Variants in LDB2 observed in about 807,000 individuals in gnomAD.
LDB2 encodes the protein LIM domain-binding protein 2.
Under a neutral mutation model 44.3 loss-of-function variants are expected in LDB2, and 12 were observed. The ratio of observed to expected loss-of-function variants is 0.27; its 90% CI spans 0.17 to 0.44. The LOEUF is 0.44. Among genes scored for constraint, LDB2 ranks in the 20% least tolerant of loss-of-function variants. The pLI, the probability that LDB2 is intolerant of heterozygous loss-of-function variation, is 1.00. For missense variants in LDB2, 344 were observed against 473.5 expected, an observed-to-expected ratio of 0.73 and a Z score of 2.54; for synonymous variants, 164 against 174.8, an observed-to-expected ratio of 0.94 and a Z score of 0.49.
chr4:16,511,933 A>T, intron 6 of LDB2, 48 bp downstream of exon 6: 1 of 1,570,786 alleles, frequency 6.4e-7, no homozygotes, highest in Non-Finnish European at 8.7e-7. Context: ...TCCCTGGAAG[A>T]CACCTCTGAA....
chr4:16,813,173 A>G (rs542962978), intron 1 of LDB2, among the ~76,000 whole-genome samples: 4 of 151,932 alleles, frequency 2.6e-5, no homozygotes, highest in Non-Finnish European at 5.9e-5. Context: ...TTCAGTAGAG[A>G]TGGGGTTTCG....
At position 16,756,210 on chromosome 4, in the gene LDB2, C is replaced by T. The variant is rs2002816; in HGVS notation, c.235+2948G>A. ...CTGTAATCCCAGCACTTTGGGAGGC[C>T]GAGGCTGGGCTGGTGGATCACTTCG... On this transcript the variant is annotated intron_variant, in intron 2 of 7. Coordinates refer to ENST00000304523, the MANE Select transcript of LDB2 (RefSeq NM_001290.5). Among the ~76,000 whole-genome samples the T allele has an allele frequency of 2.9e-3, 438 of 152,244 alleles. 1 individual carries two copies. Among genetic ancestry groups the T allele is most frequent in the Non-Finnish European group, 3.9e-3 (268 of 68,012 alleles).
At chr4:16,819,308 C>G (rs572107999) in intron 1 of LDB2, among the ~76,000 whole-genome samples, 1 of 152,014 alleles carries the variant, frequency 6.6e-6, no homozygotes, top group South Asian at 2.1e-4. Context: ...TCATTTCGAA[C>G]AAGACCCTGA....
intron 2 of LDB2, among the ~76,000 whole-genome samples, chr4:16,664,327 C>T (rs1165247302): frequency 2.6e-5 from 4 of 152,190 alleles, no homozygotes; most frequent in Admixed American, 6.5e-5. Context: ...TCTTGGACTT[C>T]GCAGCCTCCA....
intron 5 of LDB2, among the ~76,000 whole-genome samples, chr4:16,573,086 G>A (rs1384982304): frequency 6.6e-6 from 1 of 152,212 alleles, no homozygotes; most frequent in Non-Finnish European, 1.5e-5. Flanking sequence ...AACAAGCCAG[G>A]CCTGAGCCCA....
intron 5 of LDB2, among the ~76,000 whole-genome samples, chr4:16,526,124 G>C (rs1728164254): frequency 6.6e-6 from 1 of 152,228 alleles, no homozygotes; most frequent in Non-Finnish European, 1.5e-5. Context: ...TTCCAGAGGA[G>C]AATGGTGTGT....
chr4:16,866,610 G>T (rs2110308572), intron 1 of LDB2, among the ~76,000 whole-genome samples: 1 of 152,244 alleles, frequency 6.6e-6, no homozygotes, highest in South Asian at 2.1e-4. Flanking sequence ...TGGACTCCAG[G>T]CCGGTGCTTT....
chr4:16,871,354 T>TA (rs1246355834), intron 1 of LDB2, among the ~76,000 whole-genome samples: 1 of 152,052 alleles, frequency 6.6e-6, no homozygotes, highest in Non-Finnish European at 1.5e-5. Flanking sequence ...GTTGACTGTG[T>TA]AGATTTAAGA....
intron 2 of LDB2, among the ~76,000 whole-genome samples, chr4:16,682,690 T>C (rs1184012327): frequency 6.6e-6 from 1 of 152,218 alleles, no homozygotes; most frequent in Non-Finnish European, 1.5e-5. Flanking sequence ...ACTTAGCTCC[T>C]GGAGGGAAAA....
intron 5 of LDB2, among the ~76,000 whole-genome samples, chr4:16,545,794 T>G (rs1735536674): frequency 6.6e-6 from 1 of 152,176 alleles, no homozygotes; most frequent in Non-Finnish European, 1.5e-5. Context: ...GCCCCAGCCA[T>G]CTTTACGCAA....
At chr4:16,683,282 C>T (rs979148235) in intron 2 of LDB2, among the ~76,000 whole-genome samples, 1 of 152,332 alleles carries the variant, frequency 6.6e-6, no homozygotes, top group South Asian at 2.1e-4. Flanking sequence ...TGCCTTAATA[C>T]TAATATTATG....
At chr4:16,543,660 C>T (rs1734687378) in intron 5 of LDB2, among the ~76,000 whole-genome samples, 1 of 151,974 alleles carries the variant, frequency 6.6e-6, no homozygotes, top group Non-Finnish European at 1.5e-5. Flanking sequence ...CCATAAAAAC[C>T]CTAGAAGAAA....
At chr4:16,511,162 A>G (rs182687030) in intron 6 of LDB2, among the ~76,000 whole-genome samples, 133 of 152,316 alleles carry the variant, frequency 8.7e-4, no homozygotes, top group African/African-American at 2.9e-3. Flanking sequence ...GAAGGTGACC[A>G]TTATATTTTG....
chr4:16,526,286 C>T (rs902262329), intron 5 of LDB2, among the ~76,000 whole-genome samples: 14 of 152,326 alleles, frequency 9.2e-5, no homozygotes, highest in African/African-American at 3.1e-4. Flanking sequence ...TGCCTTTGGA[C>T]ATCAGAACTT....
chr4:16,822,818 G>A (rs158266), intron 1 of LDB2, among the ~76,000 whole-genome samples: 54,944 of 152,074 alleles, frequency 0.36, 10,768 homozygotes, highest in East Asian at 0.61. Context: ...GCCCGACCAC[G>A]TGCTCTTATA....
chr4:16,701,965 G>A (rs561098747), intron 2 of LDB2, among the ~76,000 whole-genome samples: 1 of 152,152 alleles, frequency 6.6e-6, no homozygotes, highest in Non-Finnish European at 1.5e-5. Flanking sequence ...ACTTTACTGT[G>A]GCTACTACTA....
chr4:16,857,669 G>A lies in LDB2; in HGVS notation c.132+40685C>T, dbSNP rs569609164. ...CTCCTGCTGCATGGCCTTGGCAGTG[G>A]CTCTTCCCTTTGCCTGGATGCTCTT... On this transcript the variant is annotated intron_variant, in intron 1 of 7. Coordinates refer to ENST00000304523, the MANE Select transcript of LDB2 (RefSeq NM_001290.5). 3.9e-5 allele frequency among the ~76,000 whole-genome samples: 6 copies of A among 152,276 alleles called. No homozygotes were observed. The South Asian group carries it at 1.0e-3, about 26-fold the overall frequency.
chr4:16,569,469 A>G (rs958742914), intron 5 of LDB2, among the ~76,000 whole-genome samples: 2 of 152,242 alleles, frequency 1.3e-5, no homozygotes, highest in Non-Finnish European at 2.9e-5. Context: ...AGCAATATGT[A>G]TGAGACTCTG....
chr4:16,846,428 T>C (rs1787018723), intron 1 of LDB2, among the ~76,000 whole-genome samples: 1 of 152,184 alleles, frequency 6.6e-6, no homozygotes, highest in Non-Finnish European at 1.5e-5. Flanking sequence ...AAGCAAAAGA[T>C]CAAACTCTTT....
Sources: allele counts gnomAD v4.1 joint callset (sites outside exome capture counted in the v4.1 genomes callset), GRCh38; gene constraint gnomAD v4.1.1; transcripts MANE v1.5; gene names NCBI Gene and HGNC (gene_info 2026-07-23, HGNC 2026-07-21).